NAV2: variants seen among roughly 807,000 people sequenced by gnomAD.
The protein encoded by NAV2 is neuron navigator 2.
A neutral mutation model predicts 223.2 loss-of-function variants in NAV2; 54 were observed. The ratio of observed to expected loss-of-function variants is 0.24; its 90% CI spans 0.19 to 0.30. The LOEUF is 0.30. Among genes scored for constraint, NAV2 ranks in the 10% least tolerant of loss-of-function variants. The pLI is 1.00. For missense variants in NAV2, 2,806 were observed against 3,147.5 expected, an observed-to-expected ratio of 0.89 and a Z score of 2.60; for synonymous variants, 1,279 against 1,239.3, an observed-to-expected ratio of 1.03 and a Z score of -0.67.
chr11:19,751,445 T>C (rs1051967279), intron 1 of NAV2, among the ~76,000 whole-genome samples: 2 of 152,162 alleles, frequency 1.3e-5, no homozygotes, highest in African/African-American at 4.8e-5. Context: ...CCCCGCCAGC[T>C]AGAGAAGGAT....
chr11:19,651,090 C>A (rs1266485030), intron 1 of NAV2, among the ~76,000 whole-genome samples: 1 of 152,064 alleles, frequency 6.6e-6, no homozygotes, highest in Non-Finnish European at 1.5e-5. Context: ...GCTCTGATGG[C>A]CAAGCCAGAA....
At chr11:20,069,848 C>T (rs2059290735) in intron 22 of NAV2, among the ~76,000 whole-genome samples, 1 of 152,144 alleles carries the variant, frequency 6.6e-6, no homozygotes, top group African/African-American at 2.4e-5. Context: ...GTATTCCCAG[C>T]TTGAGCCTTA....
intron 1 of NAV2, among the ~76,000 whole-genome samples, chr11:19,764,514 G>A (rs2055044549): frequency 1.3e-5 from 2 of 152,208 alleles, no homozygotes; most frequent in African/African-American, 4.8e-5. Context: ...GTGGTGTTAA[G>A]AAACTTGAAC....
intron 1 of NAV2, among the ~76,000 whole-genome samples, chr11:19,776,490 A>G (rs1215125210): frequency 6.6e-6 from 1 of 151,786 alleles, no homozygotes; most frequent in Non-Finnish European, 1.5e-5. Flanking sequence ...GCGGCCAGGC[A>G]AGGTGTGTTT....
chr11:19,363,319 T>C (rs1163322045), intron 1 of NAV2, among the ~76,000 whole-genome samples: 5 of 152,212 alleles, frequency 3.3e-5, no homozygotes, highest in Non-Finnish European at 7.3e-5. Flanking sequence ...ACTCATCCTT[T>C]TTTATGGCTG....
intron 1 of NAV2, among the ~76,000 whole-genome samples, chr11:19,487,459 A>C (rs2042481510): frequency 6.6e-6 from 1 of 152,168 alleles, no homozygotes; most frequent in Non-Finnish European, 1.5e-5. Context: ...ATGAGGAAGG[A>C]TTGAAAAAAT....
At chr11:19,448,699 C>G (rs140668541) in intron 1 of NAV2, among the ~76,000 whole-genome samples, 1 of 152,318 alleles carries the variant, frequency 6.6e-6, no homozygotes, top group African/African-American at 2.4e-5. Flanking sequence ...GATTACATTC[C>G]TTACTTCATA....
intron 21 of NAV2, 56 bp downstream of exon 21, chr11:20,068,265 C>G: frequency 1.9e-6 from 3 of 1,608,706 alleles, no homozygotes; most frequent in Non-Finnish European, 1.7e-6. Flanking sequence ...ATTATTTGAC[C>G]CTGCTCACCT....
At chr11:19,662,635 C>T (rs1009838520) in intron 1 of NAV2, among the ~76,000 whole-genome samples, 13 of 152,366 alleles carry the variant, frequency 8.5e-5, no homozygotes, top group African/African-American at 1.7e-4. Flanking sequence ...CCAGTGGCAC[C>T]GGACAGGCCT....
rs541946568 is a variant in NAV2 at position 19,482,268 on chromosome 11, C to A, written c.75+131241C>A. 2.6e-5 allele frequency among the ~76,000 whole-genome samples: 4 copies of A among 152,302 alleles called. No individual in the cohort carries two copies. The South Asian group carries it at 8.3e-4, about 32-fold the overall frequency. On this transcript the variant is annotated intron_variant, in intron 1 of 37. Transcript: ENST00000360655. ...TTCCCTACAAAAAGGAAGACATCAG[C>A]TCCAGGATCAACTGCAAGATGAATT...
intron 1 of NAV2, among the ~76,000 whole-genome samples, chr11:19,416,310 CAG>C (rs1198859289): frequency 6.6e-6 from 1 of 152,132 alleles, no homozygotes; most frequent in East Asian, 1.9e-4. Context: ...AATAGACAAA[CAG>C]AGAGCCAAAT....
intron 1 of NAV2, among the ~76,000 whole-genome samples, chr11:19,622,198 A>G (rs2047019032): frequency 6.6e-6 from 1 of 152,138 alleles, no homozygotes; most frequent in Admixed American, 6.5e-5. Context: ...TTTTGGGATA[A>G]GTGTGATGTG....
At chr11:19,876,649 G>C (rs1489108610) in intron 4 of NAV2, among the ~76,000 whole-genome samples, 3 of 152,150 alleles carry the variant, frequency 2.0e-5, no homozygotes, top group Non-Finnish European at 4.4e-5. Flanking sequence ...GACAATGGTA[G>C]GTAGAGAATA....
At chr11:19,820,316 T>A (rs935957287) in intron 1 of NAV2, among the ~76,000 whole-genome samples, 9 of 152,220 alleles carry the variant, frequency 5.9e-5, no homozygotes, top group Admixed American at 5.9e-4. Flanking sequence ...GGAAGGAGAA[T>A]GCATCTGATT....
intron 2 of NAV2, among the ~76,000 whole-genome samples, chr11:19,836,405 A>C (rs933986531): frequency 1.3e-5 from 2 of 151,782 alleles, no homozygotes; most frequent in East Asian, 1.9e-4. Context: ...AAAATACAAA[A>C]AATTAGCCGG....
At chr11:19,747,960 G>C (rs556121391) in intron 1 of NAV2, among the ~76,000 whole-genome samples, 1 of 152,158 alleles carries the variant, frequency 6.6e-6, no homozygotes, top group Admixed American at 6.5e-5. Flanking sequence ...TAACCAAGTA[G>C]GGAGATGGTT....
chr11:19,547,992 C>A (rs2044559127), intron 1 of NAV2, among the ~76,000 whole-genome samples: 1 of 152,154 alleles, frequency 6.6e-6, no homozygotes, highest in Non-Finnish European at 1.5e-5. Flanking sequence ...TCCCAGCCTG[C>A]AAGAGGTTAA....
intron 35 of NAV2, among the ~76,000 whole-genome samples, chr11:20,106,835 G>T (rs896715964): frequency 6.6e-6 from 1 of 151,410 alleles, no homozygotes; most frequent in African/African-American, 2.4e-5. Flanking sequence ...TAGTAGAGAA[G>T]GGGTTTCTTC....
At chr11:19,901,242 TA>T (rs2042423695) in intron 6 of NAV2, among the ~76,000 whole-genome samples, 1 of 152,210 alleles carries the variant, frequency 6.6e-6, no homozygotes, top group South Asian at 2.1e-4. Context: ...ACTTCTTGGT[TA>T]CCTTTAAAAG....
Sources: gnomAD v4.1 joint callset for allele counts (sites outside exome capture counted in the v4.1 genomes callset) on GRCh38, gnomAD v4.1.1 for gene constraint, MANE v1.5 for transcripts, NCBI Gene and HGNC (gene_info 2026-07-23, HGNC 2026-07-21) for gene names.